Variants in GPR137C observed in about 807,000 individuals in gnomAD.
GPR137C encodes the protein integral membrane protein GPR137C.
A neutral mutation model predicts 43.4 loss-of-function variants in GPR137C; 27 were observed. The observed-to-expected ratio is 0.62, with a 90% CI of 0.46 to 0.86. The LOEUF (loss-of-function observed/expected upper bound fraction) is 0.86. Ranked by LOEUF, GPR137C falls within the 40% of genes least tolerant of loss-of-function variation. The pLI is 0.00. For missense variants in GPR137C, 522 were observed against 534.6 expected, an observed-to-expected ratio of 0.98 and a Z score of 0.23; for synonymous variants, 285 against 226.9, an observed-to-expected ratio of 1.26 and a Z score of -2.30.
intron 3 of GPR137C, among the ~76,000 whole-genome samples, chr14:52,616,440 T>C (rs2139560492): frequency 6.6e-6 from 1 of 152,286 alleles, no homozygotes; most frequent in South Asian, 2.1e-4. Context: ...ATTACAGGCA[T>C]GAGCCACCAC....
chr14:52,585,996 A>T (rs563683795), intron 1 of GPR137C, among the ~76,000 whole-genome samples: 1 of 152,324 alleles, frequency 6.6e-6, no homozygotes, highest in South Asian at 2.1e-4. Context: ...TTACCTGCGC[A>T]TGCAGTGGGG....
intron 1 of GPR137C, among the ~76,000 whole-genome samples, chr14:52,594,039 T>C (rs2038818503): frequency 6.6e-6 from 1 of 152,236 alleles, no homozygotes; most frequent in Non-Finnish European, 1.5e-5. Flanking sequence ...GTCTTTGTTC[T>C]CATTGGTTTC....
rs193031634 is a variant in GPR137C at position 52,594,250 on chromosome 14, G to C, written c.445-4022G>C. Among the ~76,000 whole-genome samples the C allele has an allele frequency of 4.2e-3, 641 of 152,180 alleles. 2 individuals are homozygous for C. Among genetic ancestry groups the C allele is most frequent in the Non-Finnish European group, 7.0e-3 (475 of 68,000 alleles). On this transcript the variant is annotated intron_variant, in intron 1 of 6. Coordinates refer to ENST00000321662, the MANE Select transcript of GPR137C (RefSeq NM_001099652.2). ...AGGAGTGTTTCACTTCCAATTATGT[G>C]GTCAATTTTAGAATAAGTGTGATGT...
Position 52,637,391 on chromosome 14 carries a change from A to C in GPR137C, c.*2276A>C. The stretch of plus-strand genomic sequence containing the variant: ...TCAAACCTTCATTTTTGTTCATTAA[A>C]AAGTGAATTTCATTACTTAAGTGTG... On this transcript the variant is annotated 3_prime_UTR_variant, in exon 7 of 7. Coordinates refer to ENST00000321662, the MANE Select transcript of GPR137C (RefSeq NM_001099652.2). The C allele has an allele frequency of 6.6e-6, 1 of 152,172 alleles. No individual in the cohort carries two copies. The highest frequency in any genetic ancestry group is 1.9e-4 in the East Asian group (1 of 5,204). The allele number at this position is 152,172 out of a possible 1,614,324, so 9.4% of individuals were successfully genotyped here.
chr14:52,596,140 A>C (rs1200296434), intron 1 of GPR137C, among the ~76,000 whole-genome samples: 2 of 152,126 alleles, frequency 1.3e-5, no homozygotes, highest in African/African-American at 4.8e-5. Flanking sequence ...CCTGGGTATC[A>C]CCAGGGGAGG....
intron 6 of GPR137C, 66 bp from the exon 7 acceptor site, chr14:52,634,872 A>C: frequency 7.2e-7 from 1 of 1,390,796 alleles, no homozygotes; most frequent in Non-Finnish European, 9.8e-7. Flanking sequence ...AATGCTAAAA[A>C]TTCAAATGTG....
At chr14:52,609,852 A>G (rs117790841) in intron 3 of GPR137C, among the ~76,000 whole-genome samples, 4,222 of 152,314 alleles carry the variant, frequency 0.028, 96 homozygotes, top group Middle Eastern at 0.065. Context: ...AGACAAAGGC[A>G]GTATGACTTC....
chr14:52,590,791 T>G (rs1402116820), intron 1 of GPR137C, among the ~76,000 whole-genome samples: 1 of 152,160 alleles, frequency 6.6e-6, no homozygotes, highest in Non-Finnish European at 1.5e-5. Flanking sequence ...AAATATACTC[T>G]GTAATGTTCA....
At chr14:52,599,534 A>G (rs577571076) in intron 2 of GPR137C, among the ~76,000 whole-genome samples, 4 of 151,438 alleles carry the variant, frequency 2.6e-5, no homozygotes, top group Admixed American at 2.6e-4. Context: ...CCTAGATTCA[A>G]GTGATTCTTG....
intron 1 of GPR137C, among the ~76,000 whole-genome samples, chr14:52,594,772 G>A (rs1029089517): frequency 5.3e-5 from 8 of 151,948 alleles, no homozygotes; most frequent in African/African-American, 1.2e-4. Context: ...TCTTTATCCA[G>A]TTTGCCAGTC....
chr14:52,553,246 CGCTGCAGCCTCAGGCGCCGCG>C lies in GPR137C; in HGVS notation c.101_121del (p.Ala34_Ala40del), dbSNP rs574708811. 1,849 of 1,317,956 alleles carry C rather than the reference CGCTGCAGCCTCAGGCGCCGCG, an allele frequency of 1.4e-3. 22 individuals are homozygous for C. The African/African-American group carries it at 0.025, about 18-fold the overall frequency. 81.6% of individuals were successfully genotyped at this position (1,317,956 alleles called of 1,614,324 possible). On this transcript the variant is annotated inframe_deletion, in exon 1 of 7. Coordinates refer to ENST00000321662, the MANE Select transcript of GPR137C (RefSeq NM_001099652.2). ...GGGGCAGCGGAGGCGGAGGCGCCGT[CGCTGCAGCCTCAGGCGCCGCG>C]GTGCCGGGCTCCGTGCAGTTGGCGC...
intron 1 of GPR137C, among the ~76,000 whole-genome samples, chr14:52,596,582 C>T (rs1047143652): frequency 1.3e-5 from 2 of 152,236 alleles, no homozygotes; most frequent in Non-Finnish European, 2.9e-5. Flanking sequence ...TCTCAGACTG[C>T]TGCGCTAGCA....
At chr14:52,568,831 C>T (rs1186255401) in intron 1 of GPR137C, among the ~76,000 whole-genome samples, 1 of 152,244 alleles carries the variant, frequency 6.6e-6, no homozygotes, top group African/African-American at 2.4e-5. Flanking sequence ...ATCCCTGGGA[C>T]AGGGCACCTG....
chr14:52,561,872 A>G (rs1316379258), intron 1 of GPR137C, among the ~76,000 whole-genome samples: 1 of 152,196 alleles, frequency 6.6e-6, no homozygotes, highest in Non-Finnish European at 1.5e-5. Flanking sequence ...GTGGGTGGGG[A>G]GATACTCTGT....
chr14:52,582,329 A>G (rs2038658309), intron 1 of GPR137C, among the ~76,000 whole-genome samples: 1 of 152,206 alleles, frequency 6.6e-6, no homozygotes, highest in Non-Finnish European at 1.5e-5. Context: ...TTAGTATTTC[A>G]ACATGAATTT....
At chr14:52,558,237 A>C (rs958163845) in intron 1 of GPR137C, among the ~76,000 whole-genome samples, 1 of 151,990 alleles carries the variant, frequency 6.6e-6, no homozygotes, top group African/African-American at 2.4e-5. Context: ...AGGTGTAGGG[A>C]GGTGTCGTTG....
intron 3 of GPR137C, among the ~76,000 whole-genome samples, chr14:52,606,251 G>C (rs1036959506): frequency 6.6e-6 from 1 of 151,886 alleles, no homozygotes; most frequent in Admixed American, 6.6e-5. Context: ...GGTTTTCTTC[G>C]TTATTCAGTC....
intron 1 of GPR137C, among the ~76,000 whole-genome samples, chr14:52,572,783 A>C (rs967502981): frequency 6.6e-6 from 1 of 152,212 alleles, no homozygotes; most frequent in Non-Finnish European, 1.5e-5. Flanking sequence ...AGGACATTCA[A>C]ATAGGAAGAG....
At chr14:52,620,477 C>T (rs1245241382) in intron 3 of GPR137C, among the ~76,000 whole-genome samples, 1 of 151,846 alleles carries the variant, frequency 6.6e-6, no homozygotes, top group Non-Finnish European at 1.5e-5. Context: ...TCTTTCAGAA[C>T]ATAATAGCAG....
Sources: allele counts gnomAD v4.1 joint callset (sites outside exome capture counted in the v4.1 genomes callset), GRCh38; gene constraint gnomAD v4.1.1; transcripts MANE v1.5; gene names NCBI Gene and HGNC (gene_info 2026-07-23, HGNC 2026-07-21).